SPAG9: variants seen among roughly 807,000 people sequenced by gnomAD.
The protein encoded by SPAG9 is C-Jun-amino-terminal kinase-interacting protein 4.
Under a neutral mutation model 166.5 loss-of-function variants are expected in SPAG9, and 35 were observed. That is an observed-to-expected ratio of 0.21 (90% confidence interval 0.16 to 0.28). The LOEUF (loss-of-function observed/expected upper bound fraction) is 0.28, where lower values mean the gene tolerates loss of function less well. SPAG9 is among the 10% of genes least tolerant of loss of function. The pLI is 1.00. For synonymous variants in SPAG9, 534 were observed against 565.5 expected (o/e 0.94, Z 0.79); for missense variants, 1,235 against 1,603.3 (o/e 0.77, Z 3.92).
intron 18 of SPAG9, 122 bp from the exon 19 acceptor site, chr17:50,994,057 T>A: frequency 2.1e-6 from 2 of 945,888 alleles, no homozygotes; most frequent in Non-Finnish European, 3.1e-6. Flanking sequence ...TTTGGAAGGG[T>A]AAAAATACAA....
rs1188002832 is a variant in SPAG9 at position 51,001,794 on chromosome 17, G to A, written c.1528C>T (p.Arg510Cys). The change falls in exon 13 of 30, where the codon CGT becomes TGT. Residue 510 changes from arginine to cysteine, a missense_variant. Arg to Cys is a radical substitution (Grantham distance 180). This residue lies in a region of SPAG9 where 125 missense variants were observed against 194.0 expected (regional missense o/e 0.64). Coordinates refer to ENST00000262013, the MANE Select transcript of SPAG9 (RefSeq NM_001130528.3). ...RKRFTRVEMA[R>C]VLMERNQYKE... Reference sequence around the variant, plus strand: ...TACTGGTTTCGCTCCATGAGAACACGGGCCATTTCTACTCTAGTAAACCGT... The same window carrying A: ...TACTGGTTTCGCTCCATGAGAACACAGGCCATTTCTACTCTAGTAAACCGT... 1.2e-6 allele frequency: 2 copies of A among 1,613,318 alleles called. No individual in the cohort carries two copies. The highest frequency in any genetic ancestry group is 8.5e-7 in the Non-Finnish European group (1 of 1,179,474).
At chr17:51,001,568 A>T in intron 13 of SPAG9, 147 bp downstream of exon 13, 1 of 706,088 alleles carries the variant, frequency 1.4e-6, no homozygotes. Context: ...TTCTGTTGCT[A>T]ATTCTGAGTG....
At chr17:51,098,741 C>G (rs1286574204) in intron 1 of SPAG9, among the ~76,000 whole-genome samples, 1 of 151,920 alleles carries the variant, frequency 6.6e-6, no homozygotes, top group African/African-American at 2.4e-5. Context: ...ATCCGCCCCC[C>G]TCGGCCTCCC....
chr17:51,021,555 G>A (rs1005700554), intron 6 of SPAG9, among the ~76,000 whole-genome samples, 190 bp from the exon 7 acceptor site: 13 of 151,982 alleles, frequency 8.6e-5, no homozygotes, highest in South Asian at 2.1e-4. Flanking sequence ...AAATATTTAA[G>A]TAAACTGTAT....
intron 2 of SPAG9, among the ~76,000 whole-genome samples, chr17:51,070,186 C>T (rs1235551426): frequency 6.6e-6 from 1 of 151,728 alleles, no homozygotes; most frequent in Admixed American, 6.6e-5. Flanking sequence ...ATCTTCTCCA[C>T]AAAAGGCAAT....
At chr17:51,097,098 C>T (rs557020656) in intron 1 of SPAG9, among the ~76,000 whole-genome samples, 1 of 152,344 alleles carries the variant, frequency 6.6e-6, no homozygotes, top group Non-Finnish European at 1.5e-5. Context: ...TACGTAGTGA[C>T]GCCTCCATAA....
chr17:51,018,804 T>C (rs556998739), intron 8 of SPAG9, among the ~76,000 whole-genome samples: 6 of 152,242 alleles, frequency 3.9e-5, no homozygotes, highest in African/African-American at 1.4e-4. Context: ...CAACGGTGTG[T>C]TTCATGCCCT....
intron 1 of SPAG9, among the ~76,000 whole-genome samples, chr17:51,095,218 C>T (rs1467924654): frequency 6.7e-6 from 1 of 149,866 alleles, no homozygotes; most frequent in Non-Finnish European, 1.5e-5. Flanking sequence ...ATGGCAGGAA[C>T]CCAGGAGATG....
chr17:50,995,613 A>G (rs1291464499), intron 16 of SPAG9, 80 bp from the exon 17 acceptor site: 2 of 857,440 alleles, frequency 2.3e-6, no homozygotes, highest in Admixed American at 2.0e-5. Flanking sequence ...ATCCACTGAG[A>G]CATGAGCAAG....
chr17:51,055,814 G>C (rs2047348536), intron 3 of SPAG9, among the ~76,000 whole-genome samples: 2 of 152,050 alleles, frequency 1.3e-5, no homozygotes, highest in African/African-American at 4.8e-5. Flanking sequence ...CAACATGAAA[G>C]GCTGACAGGG....
chr17:51,005,987 T>A, intron 11 of SPAG9, 98 bp downstream of exon 11: 1 of 1,397,224 alleles, frequency 7.2e-7, no homozygotes, highest in Non-Finnish European at 9.9e-7. Flanking sequence ...CTTCCAGGCT[T>A]GAGTGGACAG....
chr17:50,975,743 A>G, intron 27 of SPAG9: 2 of 696,072 alleles, frequency 2.9e-6, no homozygotes, highest in South Asian at 1.8e-5. Flanking sequence ...GCTGCGATGC[A>G]GTGACTGCAA....
Position 51,021,313 on chromosome 17 carries a change from G to A in SPAG9, c.836C>T (p.Ser279Leu), listed in dbSNP as rs769711693. ...QGGSKATTPA[S>L]TANSDVATIP... is the part of the protein sequence containing the mutation. ...TGTTGCCACATCTGAATTAGCTGTT[G>A]ATGCTGGAGTGGTAGCTTTAGATCC... Residue 279 changes from serine (S) to leucine (L), a missense_variant, in exon 7 of 30, where the codon TCA (serine) becomes TTA (leucine). By Grantham distance (145) the Ser-to-Leu change is moderately radical. Coordinates refer to ENST00000262013, the MANE Select transcript of SPAG9 (RefSeq NM_001130528.3). The A allele has an allele frequency of 2.5e-6, 4 of 1,613,952 alleles. No individual in the cohort carries two copies. The East Asian group carries it at 8.9e-5, about 36-fold the overall frequency.
At chr17:51,079,947 A>G (rs551780197) in intron 1 of SPAG9, among the ~76,000 whole-genome samples, 1 of 152,368 alleles carries the variant, frequency 6.6e-6, no homozygotes, top group South Asian at 2.1e-4. Flanking sequence ...TATGATATAC[A>G]TATCTTACTA....
At position 50,962,259 on chromosome 17, in the gene SPAG9, G is replaced by A. The variant is rs947004223; in HGVS notation, c.*4013C>T. Reference sequence around the variant, plus strand: ...GGATTCCATAATAGAAATAAATACTGAAATAACTACATTGCTAAATGAGCT... The same window carrying A: ...GGATTCCATAATAGAAATAAATACTAAAATAACTACATTGCTAAATGAGCT... On this transcript the variant is annotated 3_prime_UTR_variant, in exon 30 of 30. Coordinates refer to ENST00000262013, the MANE Select transcript of SPAG9 (RefSeq NM_001130528.3). The A allele has an allele frequency of 1.3e-4, 20 of 152,138 alleles. No homozygotes were observed. The highest frequency in any genetic ancestry group is 1.3e-3 in the Admixed American group (20 of 15,280). 9.4% of individuals were successfully genotyped at this position (152,138 alleles called of 1,614,324 possible).
intron 24 of SPAG9, among the ~76,000 whole-genome samples, chr17:50,983,529 TGA>T (rs907629143): frequency 6.6e-6 from 1 of 152,238 alleles, no homozygotes; most frequent in Non-Finnish European, 1.5e-5. Context: ...AAACTCATAT[TGA>T]GTTTATAGTC....
Position 51,021,202 on chromosome 17 carries a change from T to C in SPAG9, c.947A>G (p.His316Arg), listed in dbSNP as rs191193956. ...DAPNKSEISK[H>R]IEVQVAQETR... ...TTCCTGGGCTACCTGTACTTCAATG[T>C]GTTTGCTTATCTCTGATTTATTTGG... Residue 316 changes from histidine to arginine, a missense_variant, in exon 7 of 30, where the codon CAC becomes CGC. His to Arg is a conservative substitution (Grantham distance 29). This residue lies in a region of SPAG9 where 288 missense variants were observed against 323.7 expected (regional missense o/e 0.89). Coordinates refer to ENST00000262013, the MANE Select transcript of SPAG9 (RefSeq NM_001130528.3). The C allele has an allele frequency of 9.3e-6, 15 of 1,614,104 alleles. No individual in the cohort carries two copies. The highest frequency in any genetic ancestry group is 1.3e-5 in the Non-Finnish European group (15 of 1,179,990).
intron 9 of SPAG9, 61 bp downstream of exon 9, chr17:51,014,171 A>C (rs2045605497): frequency 2.0e-6 from 3 of 1,484,744 alleles, no homozygotes; most frequent in South Asian, 2.6e-5. Flanking sequence ...CTTTTCAATT[A>C]AATCATTTAA....
intron 1 of SPAG9, among the ~76,000 whole-genome samples, chr17:51,095,958 GATAT>G (rs113132091): frequency 2.1e-4 from 21 of 99,248 alleles, no homozygotes; most frequent in Admixed American, 5.2e-4. Context: ...TATATATAGT[GATAT>G]ATATATATAG....
Sources: gnomAD v4.1 joint callset for allele counts (sites outside exome capture counted in the v4.1 genomes callset) on GRCh38, gnomAD v4.1.1 for gene constraint, gnomAD v4.1.1 regional missense constraint, MANE v1.5 for transcripts, NCBI Gene and HGNC (gene_info 2026-07-23, HGNC 2026-07-21) for gene names.